TCF7: variants seen among roughly 807,000 people sequenced by gnomAD.
The protein encoded by TCF7 is transcription factor 7, also known as T-cell-factor-7.
Under a neutral mutation model 46.8 loss-of-function variants are expected in TCF7, and 19 were observed. The ratio of observed to expected loss-of-function variants is 0.41; its 90% CI spans 0.28 to 0.60. The LOEUF (loss-of-function observed/expected upper bound fraction) is 0.60, where lower values mean the gene tolerates loss of function less well. TCF7 is among the 20% of genes least tolerant of loss of function. The probability of loss-of-function intolerance (pLI) is 0.35; values close to 1 mark genes in which losing one functional copy is unlikely to be tolerated. For synonymous variants in TCF7, 245 were observed against 213.4 expected, an observed-to-expected ratio of 1.15 and a Z score of -1.29; for missense variants, 547 against 504.6, an observed-to-expected ratio of 1.08 and a Z score of -0.81.
chr5:134,124,582 C>T (rs1757073394), intron 3 of TCF7, among the ~76,000 whole-genome samples: 2 of 152,272 alleles, frequency 1.3e-5, no homozygotes, highest in Admixed American at 6.5e-5. Flanking sequence ...ACACAAAGCC[C>T]TCACCCCGCA....
At position 134,146,845 on chromosome 5, in the gene TCF7, G is replaced by T; in HGVS notation, c.*542G>T. Reference sequence around the variant, plus strand: ...AGCTTTTCTGCTATAGGTCAGAGATGGGCTGAACTGAGCCTAGCTACCTTC... The same window carrying T: ...AGCTTTTCTGCTATAGGTCAGAGATTGGCTGAACTGAGCCTAGCTACCTTC... On this transcript the variant is annotated 3_prime_UTR_variant, in exon 10 of 10. Transcript: ENST00000342854. The T allele has an allele frequency of 2.7e-6, 1 of 374,092 alleles. No homozygotes were observed. Among genetic ancestry groups the T allele is most frequent in the Non-Finnish European group, 4.9e-6 (1 of 205,250 alleles). The allele number at this position is 374,092 out of a possible 1,614,324, so 23.2% of individuals were successfully genotyped here.
intron 9 of TCF7, chr5:134,145,445 A>G (rs1390199584): frequency 3.6e-6 from 2 of 562,768 alleles, no homozygotes; most frequent in African/African-American, 3.7e-5. Flanking sequence ...GAAAGGGCTC[A>G]TGTGTTTCAC....
chr5:134,146,625 G>C lies in TCF7; in HGVS notation c.*322G>C, dbSNP rs1760750412. ...AGGGGTCCTGTTAACGTCATCTCAG[G>C]GTCCAGACCCTGAAGATTTCAGAGG... is the stretch of plus-strand genomic sequence containing the variant. On this transcript the variant is annotated 3_prime_UTR_variant, in exon 10 of 10. Transcript: ENST00000342854. 4 of 672,786 alleles carry C rather than the reference G, an allele frequency of 5.9e-6. No homozygotes were observed. Among genetic ancestry groups the C allele is most frequent in the African/African-American group, 1.8e-5 (1 of 54,522 alleles). 41.7% of individuals were successfully genotyped at this position (672,786 alleles called of 1,614,324 possible). A position where few individuals can be genotyped will look rare whatever the true frequency, so the allele number is the denominator to read the frequency against.
At chr5:134,120,876 G>A (rs866765442) in intron 3 of TCF7, among the ~76,000 whole-genome samples, 2 of 152,378 alleles carry the variant, frequency 1.3e-5, no homozygotes, top group South Asian at 4.1e-4. Context: ...GATTTGGAGT[G>A]AGGACCAGCA....
In TCF7 at chr5:134,123,427, T is replaced by C. The variant is rs540718025; in HGVS notation, c.441+7394T>C. Among the ~76,000 whole-genome samples the C allele has an allele frequency of 1.3e-4, 20 of 152,312 alleles. No homozygotes were observed. The East Asian group carries it at 3.9e-3, about 29-fold the overall frequency. On this transcript the variant is annotated intron_variant, in intron 3 of 9. Coordinates refer to ENST00000342854, the MANE Select transcript of TCF7 (RefSeq NM_003202.5). Reference sequence around the variant, plus strand: ...CAAAGAGACTTTCACTGGGAGCCTCTAAGTCGGCTCTGAGATTCTGCTGGA... The same window carrying C: ...CAAAGAGACTTTCACTGGGAGCCTCCAAGTCGGCTCTGAGATTCTGCTGGA...
At chr5:134,128,090 C>G (rs1022834848) in intron 3 of TCF7, among the ~76,000 whole-genome samples, 2 of 152,208 alleles carry the variant, frequency 1.3e-5, no homozygotes, top group African/African-American at 4.8e-5. Flanking sequence ...TCGGCGTTCG[C>G]TGTCCCTCCC....
chr5:134,133,305 T>A (rs1422702610), intron 3 of TCF7, among the ~76,000 whole-genome samples: 3 of 152,164 alleles, frequency 2.0e-5, no homozygotes, highest in East Asian at 1.9e-4. Context: ...CCTCAGAGGA[T>A]GAGGGCAAGA....
chr5:134,120,256 A>ACAG (rs1440876923), intron 3 of TCF7, among the ~76,000 whole-genome samples: 1 of 152,142 alleles, frequency 6.6e-6, no homozygotes, highest in Non-Finnish European at 1.5e-5. Flanking sequence ...TCTCACCCAG[A>ACAG]CAGCAGCAAC....
intron 5 of TCF7, 169 bp from the exon 6 acceptor site, chr5:134,142,016 G>A: frequency 2.3e-6 from 2 of 861,714 alleles, no homozygotes; most frequent in African/African-American, 1.7e-5. Flanking sequence ...AGTGTGCTGG[G>A]AGCAGGTATT....
chr5:134,139,094 C>T, intron 5 of TCF7, 56 bp downstream of exon 5: 2 of 1,593,222 alleles, frequency 1.3e-6, no homozygotes, highest in Non-Finnish European at 8.5e-7. Flanking sequence ...CCAAGACCTG[C>T]CTGCCCTTCC....
rs1755602949 is a variant in TCF7, at chr5:134,115,005, GGAC to G, written c.103_105del (p.Asp35del). 4.0e-6 allele frequency: 5 copies of G among 1,252,524 alleles called. No individual in the cohort carries two copies. The highest frequency in any genetic ancestry group is 4.8e-5 in the East Asian group (1 of 20,810). 77.6% of individuals were successfully genotyped at this position (1,252,524 alleles called of 1,614,324 possible). ...CCTTCCAGGATGAAGGCGAGGAGCA[GGAC>G]GACAAGAGCCGCGACAGCGCCGCCG... On this transcript the variant is annotated inframe_deletion, in exon 1 of 10. Transcript: ENST00000342854.
In TCF7 at chr5:134,148,072, C is replaced by T. The variant is rs1320710370; in HGVS notation, c.*1769C>T. Reference sequence around the variant, plus strand: ...CTTTAGCCACTGGTTTCTCAGAATCCAAAGATCACATATTCTAGTGTAACA... The same window carrying T: ...CTTTAGCCACTGGTTTCTCAGAATCTAAAGATCACATATTCTAGTGTAACA... On this transcript the variant is annotated 3_prime_UTR_variant, in exon 10 of 10. Coordinates refer to ENST00000342854, the MANE Select transcript of TCF7 (RefSeq NM_003202.5). The T allele has an allele frequency of 6.6e-6, 1 of 151,932 alleles. No homozygotes were observed. The highest frequency in any genetic ancestry group is 1.5e-5 in the Non-Finnish European group (1 of 67,980). The allele number at this position is 151,932 out of a possible 1,614,324, so 9.4% of individuals were successfully genotyped here.
chr5:134,136,090 A>T (rs1280456503), intron 3 of TCF7, among the ~76,000 whole-genome samples: 1 of 152,182 alleles, frequency 6.6e-6, no homozygotes, highest in African/African-American at 2.4e-5. Flanking sequence ...AGGGCTGAGA[A>T]CTAGGGGCAG....
chr5:134,130,317 C>T (rs939476657), intron 3 of TCF7, among the ~76,000 whole-genome samples: 3 of 151,090 alleles, frequency 2.0e-5, no homozygotes, highest in Admixed American at 6.6e-5. Context: ...TGGGCAGACT[C>T]CTCGGCACAA....
At chr5:134,115,446 A>C in intron 2 of TCF7, 59 bp downstream of exon 2, 1 of 1,544,810 alleles carries the variant, frequency 6.5e-7, no homozygotes, top group Admixed American at 1.9e-5. Flanking sequence ...CCTCGGTGGG[A>C]CGGGGACGCC....
chr5:134,113,347 C>T (rs2149258009), upstream of TCF7, among the ~76,000 whole-genome samples: 1 of 152,332 alleles, frequency 6.6e-6, no homozygotes, highest in Middle Eastern at 3.4e-3. Flanking sequence ...GTCCGAGACA[C>T]CCGGCTGGGC....
intron 3 of TCF7, among the ~76,000 whole-genome samples, chr5:134,117,446 A>T (rs1252072347): frequency 6.6e-6 from 1 of 152,214 alleles, no homozygotes; most frequent in Admixed American, 6.5e-5. Flanking sequence ...CAGGTGTGCC[A>T]CTTGCATAGG....
chr5:134,115,406 C>T lies in TCF7; in HGVS notation c.316+19C>T. On this transcript the variant is annotated intron_variant, in intron 2 of 9. Coordinates refer to ENST00000342854, the MANE Select transcript of TCF7 (RefSeq NM_003202.5). The stretch of plus-strand genomic sequence containing the variant: ...GAGGACGGTGAGTTTCTGCCCGGCC[C>T]GGCTTCCCTTCGTCGCGCTCAGGCC... 1.3e-6 allele frequency: 2 copies of T among 1,589,800 alleles called. No homozygotes were observed. The highest frequency in any genetic ancestry group is 2.3e-5 in the East Asian group (1 of 43,398).
At chr5:134,119,208 A>G (rs549301462) in intron 3 of TCF7, among the ~76,000 whole-genome samples, 1 of 152,330 alleles carries the variant, frequency 6.6e-6, no homozygotes, top group Admixed American at 6.5e-5. Context: ...GGCTTCTTCT[A>G]TGAGCTCTAC....
Sources: gnomAD v4.1 joint callset for allele counts (sites outside exome capture counted in the v4.1 genomes callset) on GRCh38, gnomAD v4.1.1 for gene constraint, MANE v1.5 for transcripts, NCBI Gene and HGNC (gene_info 2026-07-23, HGNC 2026-07-21) for gene names.